RBM47: variants seen among roughly 807,000 people sequenced by gnomAD.
RBM47 encodes the protein RNA binding motif protein 47, also known as RNA-binding protein 47.
In RBM47, 21 loss-of-function variants were observed where a neutral mutation model predicts 47.1. The observed-to-expected ratio is 0.45, with a 90% CI of 0.32 to 0.64. The LOEUF (loss-of-function observed/expected upper bound fraction) is 0.64, where lower values mean the gene tolerates loss of function less well. Among genes scored for constraint, RBM47 ranks in the 30% least tolerant of loss-of-function variants. The pLI is 0.05. For synonymous variants in RBM47, 375 were observed against 361.7 expected (o/e 1.04, Z -0.42); for missense variants, 708 against 870.9 (o/e 0.81, Z 2.35).
At position 40,616,852 on chromosome 4, in the gene RBM47, G is replaced by A. The variant is rs765798324; in HGVS notation, c.-240+12544C>T. Among the ~76,000 whole-genome samples, 104 of 144,526 alleles carry A rather than the reference G, an allele frequency of 7.2e-4. 1 individual carries two copies. Among genetic ancestry groups the A allele is most frequent in the Non-Finnish European group, 1.4e-3 (93 of 65,684 alleles). 94.8% of individuals were successfully genotyped at this position (144,526 alleles called of 152,430 possible). On this transcript the variant is annotated intron_variant, in intron 1 of 6. Transcript: ENST00000295971. ...GTTATAACTCACAAGGAAATCCACTGTTTCATCTTATATTTTCTTTTCTTT... is the reference window on the plus strand; with the variant it reads ...GTTATAACTCACAAGGAAATCCACTATTTCATCTTATATTTTCTTTTCTTT...
intron 1 of RBM47, among the ~76,000 whole-genome samples, chr4:40,585,437 C>T (rs112214045): frequency 0.011 from 1,601 of 152,234 alleles, 12 homozygotes; most frequent in Non-Finnish European, 0.016. Flanking sequence ...GCAACAAAAT[C>T]GCCCCATAAA....
At chr4:40,610,945 T>G (rs1736209799) in intron 1 of RBM47, among the ~76,000 whole-genome samples, 1 of 152,190 alleles carries the variant, frequency 6.6e-6, no homozygotes, top group African/African-American at 2.4e-5. Context: ...TGGGGAACTG[T>G]TAAGTCCAAT....
At chr4:40,520,148 T>C (rs1016459735) in intron 2 of RBM47, among the ~76,000 whole-genome samples, 1 of 152,188 alleles carries the variant, frequency 6.6e-6, no homozygotes, top group South Asian at 2.1e-4. Flanking sequence ...AATTTGTCAT[T>C]TGACTTTAAA....
chr4:40,465,855 A>G (rs939961683), intron 3 of RBM47, among the ~76,000 whole-genome samples: 1 of 152,184 alleles, frequency 6.6e-6, no homozygotes, highest in East Asian at 1.9e-4. Context: ...GGAAACAGAA[A>G]CTTAGAGAAG....
At position 40,511,270 on chromosome 4, in the gene RBM47, G is replaced by C. The variant is rs1021909244; in HGVS notation, c.-155+33152C>G. 2.0e-5 allele frequency among the ~76,000 whole-genome samples: 3 copies of C among 152,324 alleles called. No homozygotes were observed. The South Asian group carries it at 6.2e-4, about 32-fold the overall frequency. ...ACAGCTCTGTTCAGAAAAGACAGCAGGCCTGCCTCTTAGGCATTATGGCAT... is the reference window on the plus strand; with the variant it reads ...ACAGCTCTGTTCAGAAAAGACAGCACGCCTGCCTCTTAGGCATTATGGCAT... On this transcript the variant is annotated intron_variant, in intron 2 of 6. Coordinates refer to ENST00000295971, the MANE Select transcript of RBM47 (RefSeq NM_001098634.2).
In RBM47 at chr4:40,437,874, C is replaced by T. The variant is rs768425625; in HGVS notation, c.1020G>A (p.Ala340=). ...AARGGGAAEA[A]QQPSYVYSCD... ...AGGAGTACACGTAGCTGGGCTGCTG[C>T]GCTGCCTCAGCCGCGCCGCCGCCCC... Residue 340 remains alanine, a synonymous_variant, in exon 4 of 7, where the codon GCG becomes GCA. Coordinates refer to ENST00000295971, the MANE Select transcript of RBM47 (RefSeq NM_001098634.2). The T allele has an allele frequency of 3.1e-6, 5 of 1,613,754 alleles. No homozygotes were observed. The highest frequency in any genetic ancestry group is 2.2e-5 in the East Asian group (1 of 44,898).
chr4:40,514,097 G>A (rs1004757143), intron 2 of RBM47, among the ~76,000 whole-genome samples: 15 of 152,050 alleles, frequency 9.9e-5, no homozygotes, highest in Admixed American at 6.6e-4. Context: ...AAGTTTAAAA[G>A]TATTTTCATG....
At chr4:40,432,931 T>G in intron 5 of RBM47, 69 bp from the exon 6 acceptor site, 1 of 1,542,816 alleles carries the variant, frequency 6.5e-7, no homozygotes, top group African/African-American at 1.4e-5. Flanking sequence ...CAGCACTTGC[T>G]CTAAGATATT....
At chr4:40,554,740 C>A (rs997326533) in intron 1 of RBM47, among the ~76,000 whole-genome samples, 4 of 151,366 alleles carry the variant, frequency 2.6e-5, no homozygotes, top group Non-Finnish European at 5.9e-5. Flanking sequence ...CCCTTCCCCC[C>A]ATCTCTCTCT....
intron 1 of RBM47, among the ~76,000 whole-genome samples, chr4:40,595,964 T>G (rs1276643018): frequency 1.3e-5 from 2 of 151,910 alleles, no homozygotes; most frequent in Non-Finnish European, 2.9e-5. Context: ...CTGGTCTTCA[T>G]GTATCTATCT....
chr4:40,539,894 A>G (rs1383921193), intron 2 of RBM47, among the ~76,000 whole-genome samples: 1 of 152,132 alleles, frequency 6.6e-6, no homozygotes, highest in Non-Finnish European at 1.5e-5. Context: ...TTACCAAAGA[A>G]ACAATGTCTT....
intron 2 of RBM47, among the ~76,000 whole-genome samples, chr4:40,527,073 T>C (rs987832468): frequency 1.3e-5 from 2 of 152,140 alleles, no homozygotes; most frequent in South Asian, 2.1e-4. Flanking sequence ...TAGGCTTATA[T>C]CTTTGAAAAA....
chr4:40,496,613 G>A (rs1722627434), intron 2 of RBM47, among the ~76,000 whole-genome samples: 1 of 152,180 alleles, frequency 6.6e-6, no homozygotes, highest in African/African-American at 2.4e-5. Context: ...CTCTCTACCA[G>A]CAGACAACCA....
At chr4:40,536,524 T>C (rs1727997046) in intron 2 of RBM47, among the ~76,000 whole-genome samples, 1 of 152,202 alleles carries the variant, frequency 6.6e-6, no homozygotes, top group African/African-American at 2.4e-5. Flanking sequence ...CCTGTTATTC[T>C]GCCAAAAGAC....
intron 1 of RBM47, among the ~76,000 whole-genome samples, chr4:40,604,552 G>A (rs551174965): frequency 6.6e-6 from 1 of 152,232 alleles, no homozygotes; most frequent in South Asian, 2.1e-4. Context: ...GCTTGAGCCT[G>A]GGAGTTAAAG....
rs1396988074 is a variant in RBM47 at position 40,423,926 on chromosome 4, G to A, written c.*1978C>T. 2.6e-5 allele frequency: 4 copies of A among 152,436 alleles called. No individual in the cohort carries two copies. Among genetic ancestry groups the A allele is most frequent in the Non-Finnish European group, 5.9e-5 (4 of 68,006 alleles). 9.4% of individuals were successfully genotyped at this position (152,436 alleles called of 1,614,324 possible). ...GAGTCACTCATTCCCACAGATTTGA[G>A]TTTGAATGCAGCTTGTGGGGTACAT... On this transcript the variant is annotated 3_prime_UTR_variant, in exon 7 of 7. Coordinates refer to ENST00000295971, the MANE Select transcript of RBM47 (RefSeq NM_001098634.2).
chr4:40,540,582 T>C (rs779373987), intron 2 of RBM47, among the ~76,000 whole-genome samples: 218 of 148,892 alleles, frequency 1.5e-3, no homozygotes, highest in Admixed American at 1.6e-3. Context: ...GAGGTTGCAG[T>C]GAGTCAAGAT....
intron 5 of RBM47, among the ~76,000 whole-genome samples, chr4:40,435,459 G>C (rs745874363): frequency 3.9e-5 from 6 of 152,094 alleles, no homozygotes; most frequent in African/African-American, 1.4e-4. Context: ...TGAGGCAGGA[G>C]AATCGCTTAA....
intron 2 of RBM47, among the ~76,000 whole-genome samples, chr4:40,499,613 T>C (rs898829125): frequency 2.0e-5 from 3 of 152,154 alleles, no homozygotes; most frequent in African/African-American, 7.2e-5. Context: ...TTTCACCGTG[T>C]TGGCCAGGCT....
Sources: allele counts gnomAD v4.1 joint callset (sites outside exome capture counted in the v4.1 genomes callset), GRCh38; gene constraint gnomAD v4.1.1; transcripts MANE v1.5; gene names NCBI Gene and HGNC (gene_info 2026-07-23, HGNC 2026-07-21).